Variants in SMYD3 observed in about 807,000 individuals in gnomAD.
SMYD3 encodes the protein SET and MYND domain containing 3.
Under a neutral mutation model 57.7 loss-of-function variants are expected in SMYD3, and 36 were observed. That is an observed-to-expected ratio of 0.62 (90% CI 0.48 to 0.82). The LOEUF (loss-of-function observed/expected upper bound fraction) is 0.82, where lower values mean the gene tolerates loss of function less well. Among genes scored for constraint, SMYD3 ranks in the 40% least tolerant of loss-of-function variants. SMYD3 has a pLI of 0.00. For missense variants in SMYD3, 515 were observed against 538.8 expected, an observed-to-expected ratio of 0.96 and a Z score of 0.44; for synonymous variants, 211 against 195.0, an observed-to-expected ratio of 1.08 and a Z score of -0.68.
intron 5 of SMYD3, among the ~76,000 whole-genome samples, chr1:246,184,977 A>C (rs972493927): frequency 6.6e-6 from 1 of 152,218 alleles, no homozygotes; most frequent in African/African-American, 2.4e-5. Flanking sequence ...AGCAGGAATA[A>C]AAGTTTCAAT....
intron 5 of SMYD3, among the ~76,000 whole-genome samples, chr1:246,186,301 T>TA (rs2062639303): frequency 6.6e-6 from 1 of 152,242 alleles, no homozygotes; most frequent in East Asian, 1.9e-4. Flanking sequence ...TGTGCAAAAC[T>TA]AGTCAATATG....
intron 8 of SMYD3, among the ~76,000 whole-genome samples, chr1:245,878,283 T>C (rs1343075239): frequency 6.6e-6 from 1 of 152,208 alleles, no homozygotes; most frequent in Non-Finnish European, 1.5e-5. Context: ...TTGTTTCTTA[T>C]AACGGGAAAG....
At chr1:246,312,397 TTAA>T (rs1281913712) in intron 5 of SMYD3, among the ~76,000 whole-genome samples, 2 of 152,092 alleles carry the variant, frequency 1.3e-5, no homozygotes, top group East Asian at 3.8e-4. Context: ...CGGAAGGATT[TTAA>T]TAATAACTGG....
chr1:245,965,611 C>G (rs2058121527), intron 5 of SMYD3, among the ~76,000 whole-genome samples: 1 of 152,072 alleles, frequency 6.6e-6, no homozygotes, highest in African/African-American at 2.4e-5. Flanking sequence ...ATGCATATTA[C>G]TAAGTGTAAG....
chr1:246,199,410 T>G (rs373191854), intron 5 of SMYD3, among the ~76,000 whole-genome samples: 60 of 152,316 alleles, frequency 3.9e-4, no homozygotes, highest in African/African-American at 1.4e-3. Flanking sequence ...TAATAATTCT[T>G]GGATTAAACA....
At chr1:246,095,288 C>T (rs754714613) in intron 5 of SMYD3, among the ~76,000 whole-genome samples, 53 of 152,184 alleles carry the variant, frequency 3.5e-4, no homozygotes, top group Admixed American at 2.5e-3. Flanking sequence ...ATGGCCATTT[C>T]GTATCTCTTC....
intron 4 of SMYD3, among the ~76,000 whole-genome samples, chr1:246,328,845 C>T (rs1049154652): frequency 6.6e-6 from 1 of 151,900 alleles, no homozygotes; most frequent in African/African-American, 2.4e-5. Context: ...CCCCACTCCC[C>T]CCACCCCACA....
Position 245,981,266 on chromosome 1 carries a change from G to C in SMYD3, c.532-51329C>G, listed in dbSNP as rs187443501. 3.3e-5 allele frequency among the ~76,000 whole-genome samples: 5 copies of C among 152,360 alleles called. No individual in the cohort carries two copies. In the East Asian group the frequency reaches 9.6e-4, roughly 29 times the overall value. On this transcript the variant is annotated intron_variant, in intron 5 of 11. Coordinates refer to ENST00000490107, the MANE Select transcript of SMYD3 (RefSeq NM_001167740.2). ...TGCTAAGGGGATGCCTGCTGGGCTA[G>C]ACCAGTGTCCCGAAGCTCTGCCCTT...
chr1:245,990,228 T>G (rs2058787676), intron 5 of SMYD3, among the ~76,000 whole-genome samples: 1 of 152,122 alleles, frequency 6.6e-6, no homozygotes, highest in Admixed American at 6.6e-5. Context: ...TAGCTGGGAC[T>G]ACAGGCCTGC....
At position 246,058,882 on chromosome 1, in the gene SMYD3, C is replaced by CTT. The variant is rs545692737; in HGVS notation, c.532-128947_532-128946dup. On this transcript the variant is annotated intron_variant, in intron 5 of 11. Coordinates refer to ENST00000490107, the MANE Select transcript of SMYD3 (RefSeq NM_001167740.2). ...CATTTACCTACTCAAATCCACATTTCTTTTTTTTTTTTTTGAGACGGAGTC... is the reference window on the plus strand; with the variant it reads ...CATTTACCTACTCAAATCCACATTTCTTTTTTTTTTTTTTTTGAGACGGAGTC... Among the ~76,000 whole-genome samples, 512 of 143,012 alleles carry CTT rather than the reference C, an allele frequency of 3.6e-3. 4 individuals carry two copies. Among genetic ancestry groups the CTT allele is most frequent in the African/African-American group, 0.011 (417 of 38,978 alleles). The allele number at this position is 143,012 out of a possible 152,430, so 93.8% of individuals were successfully genotyped here.
chr1:246,033,435 G>A (rs1487027049), intron 5 of SMYD3, among the ~76,000 whole-genome samples: 1 of 152,174 alleles, frequency 6.6e-6, no homozygotes, highest in African/African-American at 2.4e-5. Flanking sequence ...AAAGGGCAAC[G>A]TGAGGAATTC....
intron 5 of SMYD3, among the ~76,000 whole-genome samples, chr1:246,077,933 T>G (rs1314101722): frequency 2.6e-5 from 4 of 152,168 alleles, no homozygotes; most frequent in African/African-American, 7.2e-5. Flanking sequence ...TGTCTTCCTT[T>G]CTTTAGACTT....
chr1:246,101,722 A>C (rs979093748), intron 5 of SMYD3, among the ~76,000 whole-genome samples: 1 of 152,210 alleles, frequency 6.6e-6, no homozygotes. Context: ...TCAACACAAC[A>C]GTTCAAGGAA....
intron 10 of SMYD3, among the ~76,000 whole-genome samples, chr1:245,821,639 C>T (rs2049167261): frequency 6.9e-6 from 1 of 145,814 alleles, no homozygotes; most frequent in Admixed American, 7.0e-5. Flanking sequence ...ATTTTTGCAA[C>T]CTACTCATCT....
intron 2 of SMYD3, among the ~76,000 whole-genome samples, chr1:246,350,407 T>C (rs906257487): frequency 1.3e-5 from 2 of 152,194 alleles, no homozygotes; most frequent in African/African-American, 2.4e-5. Context: ...TAGTTAACAA[T>C]GCAGCTAATC....
intron 10 of SMYD3, among the ~76,000 whole-genome samples, chr1:245,777,437 G>GT (rs2046652413): frequency 6.6e-6 from 1 of 152,070 alleles, no homozygotes; most frequent in South Asian, 2.1e-4. Flanking sequence ...ATATTTTAAG[G>GT]TAAGAAAATC....
chr1:245,818,524 G>A (rs2048979759), intron 10 of SMYD3, among the ~76,000 whole-genome samples: 1 of 152,006 alleles, frequency 6.6e-6, no homozygotes, highest in Non-Finnish European at 1.5e-5. Context: ...ATAATGACAG[G>A]ATCAAATTCA....
intron 10 of SMYD3, chr1:245,788,796 C>A (rs2047151341): frequency 6.6e-6 from 1 of 152,256 alleles, no homozygotes; most frequent in Non-Finnish European, 1.5e-5. Flanking sequence ...TGGTGGAAAA[C>A]AATCACAGAC....
rs150497165 is a variant in SMYD3, at chr1:246,220,055, T to C, written c.531+107146A>G. Among the ~76,000 whole-genome samples the C allele has an allele frequency of 1.1e-3, 173 of 152,318 alleles. 3 individuals carry two copies. The East Asian group carries it at 0.026, about 23-fold the overall frequency. On this transcript the variant is annotated intron_variant, in intron 5 of 11. Coordinates refer to ENST00000490107, the MANE Select transcript of SMYD3 (RefSeq NM_001167740.2). ...GAAATATACTGCTTCATTATTGCTG[T>C]TCATTTGATTTCAAATATAATGATA...
Sources: gnomAD v4.1 joint callset for allele counts (sites outside exome capture counted in the v4.1 genomes callset) on GRCh38, gnomAD v4.1.1 for gene constraint, MANE v1.5 for transcripts, NCBI Gene and HGNC (gene_info 2026-07-23, HGNC 2026-07-21) for gene names.